ST8SIA1: variants seen among roughly 807,000 people sequenced by gnomAD.
The protein encoded by ST8SIA1 is alpha-N-acetylneuraminide alpha-2,8-sialyltransferase.
Under a neutral mutation model 35.9 loss-of-function variants are expected in ST8SIA1, and 16 were observed. That is an observed-to-expected ratio of 0.45 (90% confidence interval 0.30 to 0.68). ST8SIA1 has a LOEUF of 0.68. Ranked by LOEUF, ST8SIA1 falls within the 30% of genes least tolerant of loss-of-function variation. The pLI is 0.09. For synonymous variants in ST8SIA1, 170 were observed against 169.6 expected (o/e 1.00, Z -0.02); for missense variants, 383 against 453.6 (o/e 0.84, Z 1.41).
chr12:22,216,764 T>A lies in ST8SIA1; in HGVS notation c.585-14726A>T, dbSNP rs117135335. On this transcript the variant is annotated intron_variant, in intron 4 of 4. Coordinates refer to ENST00000396037, the MANE Select transcript of ST8SIA1 (RefSeq NM_003034.4). The stretch of plus-strand genomic sequence containing the variant: ...AATAAATATTTGTTGAACAAATAAA[T>A]GCATAATGAAATGAGTGAATTTCTA... Among the ~76,000 whole-genome samples, 341 of 152,344 alleles carry A rather than the reference T, an allele frequency of 2.2e-3. 2 individuals are homozygous for A. Among genetic ancestry groups the A allele is most frequent in the Non-Finnish European group, 3.9e-3 (266 of 68,024 alleles).
chr12:22,325,843 C>T (rs775408707), intron 1 of ST8SIA1: 9 of 701,350 alleles, frequency 1.3e-5, no homozygotes, highest in Non-Finnish European at 2.3e-5. Context: ...AAAATAAAAT[C>T]GGTGTTCCTT....
At chr12:22,244,061 T>C (rs559155483) in intron 4 of ST8SIA1, among the ~76,000 whole-genome samples, 1 of 152,206 alleles carries the variant, frequency 6.6e-6, no homozygotes, top group Admixed American at 6.5e-5. Context: ...TCAATCCTTA[T>C]GTTCAAGACA....
At chr12:22,247,586 A>G (rs1204355375) in intron 4 of ST8SIA1, among the ~76,000 whole-genome samples, 1 of 152,142 alleles carries the variant, frequency 6.6e-6, no homozygotes, top group Non-Finnish European at 1.5e-5. Context: ...ATACATTTAC[A>G]TGGATTACAT....
intron 4 of ST8SIA1, among the ~76,000 whole-genome samples, chr12:22,246,415 G>A (rs1219122682): frequency 6.6e-6 from 1 of 152,126 alleles, no homozygotes; most frequent in Non-Finnish European, 1.5e-5. Context: ...GTGTGATGGT[G>A]CAATATTATG....
At chr12:22,251,259 T>A (rs1195657074) in intron 3 of ST8SIA1, among the ~76,000 whole-genome samples, 1 of 152,218 alleles carries the variant, frequency 6.6e-6, no homozygotes, top group Admixed American at 6.5e-5. Flanking sequence ...CAACATGTTT[T>A]GTCATTATTA....
At chr12:22,257,712 G>T (rs185786602) in intron 2 of ST8SIA1, among the ~76,000 whole-genome samples, 1 of 151,956 alleles carries the variant, frequency 6.6e-6, no homozygotes, top group Non-Finnish European at 1.5e-5. Context: ...ATGAAGAAGC[G>T]AGGCAGAAGA....
intron 1 of ST8SIA1, chr12:22,325,594 G>C: frequency 1.5e-6 from 1 of 658,952 alleles, no homozygotes; most frequent in East Asian, 2.7e-5. Flanking sequence ...ATGAAACTAG[G>C]AATCTCCTCT....
rs577168739 is a variant in ST8SIA1, at chr12:22,308,726, C to T, written c.237-21433G>A. Among the ~76,000 whole-genome samples, 4 of 152,208 alleles carry T rather than the reference C, an allele frequency of 2.6e-5. No homozygotes were observed. In the East Asian group the frequency reaches 5.8e-4, roughly 22 times the overall value. ...GAATGATCAAATCAAATCAAATGGC[C>T]GTTCCTCATTACTCATCCTGATCGC... On this transcript the variant is annotated intron_variant, in intron 1 of 4. Transcript: ENST00000396037.
intron 1 of ST8SIA1, among the ~76,000 whole-genome samples, chr12:22,313,604 C>T (rs531631719): frequency 2.0e-5 from 3 of 152,192 alleles, no homozygotes; most frequent in South Asian, 4.1e-4. Flanking sequence ...TGGATACCCT[C>T]GATGTTCAAC....
At chr12:22,226,185 C>T (rs992124723) in intron 4 of ST8SIA1, among the ~76,000 whole-genome samples, 1 of 152,150 alleles carries the variant, frequency 6.6e-6, no homozygotes, top group East Asian at 1.9e-4. Context: ...TCTCAGCCCT[C>T]GTATTATATA....
intron 4 of ST8SIA1, among the ~76,000 whole-genome samples, chr12:22,247,663 T>G (rs978216169): frequency 6.6e-6 from 1 of 151,892 alleles, no homozygotes; most frequent in Admixed American, 6.6e-5. Flanking sequence ...GGGAGGAGCA[T>G]CAGAGTAAGA....
At chr12:22,237,748 GT>G (rs1223474636) in intron 4 of ST8SIA1, among the ~76,000 whole-genome samples, 1 of 151,318 alleles carries the variant, frequency 6.6e-6, no homozygotes, top group African/African-American at 2.4e-5. Context: ...GTACAGTAGA[GT>G]TTTTTCTTGT....
intron 1 of ST8SIA1, among the ~76,000 whole-genome samples, chr12:22,298,647 T>C (rs574612587): frequency 1.3e-5 from 2 of 152,334 alleles, no homozygotes; most frequent in Admixed American, 6.5e-5. Context: ...ATCAGCCCTA[T>C]AAATGATCAT....
intron 4 of ST8SIA1, among the ~76,000 whole-genome samples, chr12:22,240,459 G>C (rs1398872152): frequency 1.3e-5 from 2 of 151,810 alleles, no homozygotes; most frequent in African/African-American, 4.8e-5. Context: ...CAGAACAGAT[G>C]TTAGAATAAA....
chr12:22,279,189 T>G (rs191728766), intron 2 of ST8SIA1, among the ~76,000 whole-genome samples: 225 of 152,294 alleles, frequency 1.5e-3, no homozygotes, highest in African/African-American at 5.1e-3. Flanking sequence ...AATCTTGGCC[T>G]TTAGGGGAAT....
chr12:22,314,760 T>C (rs577317142), intron 1 of ST8SIA1, among the ~76,000 whole-genome samples: 10 of 152,268 alleles, frequency 6.6e-5, no homozygotes, highest in African/African-American at 2.4e-4. Context: ...TCGGCATGAC[T>C]GTTTCTTAAC....
At chr12:22,282,668 G>C (rs1281007336) in intron 2 of ST8SIA1, among the ~76,000 whole-genome samples, 1 of 152,078 alleles carries the variant, frequency 6.6e-6, no homozygotes, top group Admixed American at 6.5e-5. Context: ...ATTCTTTATT[G>C]CTTGAGATAA....
intron 4 of ST8SIA1, chr12:22,223,418 T>G (rs971194051): frequency 1.6e-6 from 1 of 631,694 alleles, no homozygotes; most frequent in African/African-American, 2.0e-5. Flanking sequence ...TTCTGTATCT[T>G]CCTGTAGTCC....
intron 1 of ST8SIA1, among the ~76,000 whole-genome samples, chr12:22,291,430 C>G (rs1171061124): frequency 6.6e-6 from 1 of 152,200 alleles, no homozygotes; most frequent in Non-Finnish European, 1.5e-5. Flanking sequence ...GTTTCAGTAT[C>G]TGGCCAAAAT....
Sources: gnomAD v4.1 joint callset for allele counts (sites outside exome capture counted in the v4.1 genomes callset) on GRCh38, gnomAD v4.1.1 for gene constraint, MANE v1.5 for transcripts, NCBI Gene and HGNC (gene_info 2026-07-23, HGNC 2026-07-21) for gene names.